The following PRP4K variants were observed in gnomAD, a reference collection of about 807,000 sequenced individuals.
PRP4K encodes pre-mRNA processing factor kinase PRP4K.
At chr6:4,033,908 TTA>T in the PRP4K span, among the ~76,000 whole-genome samples, 46 of 152,304 alleles carry the variant, frequency 3.0e-4, 2 homozygotes, top group South Asian at 9.5e-3. Flanking sequence ...TGCTTCTTAA[TTA>T]TCTTGGTGGT....
At chr6:4,049,379 G>A in the PRP4K span, 1 of 459,194 alleles carries the variant, frequency 2.2e-6, no homozygotes, top group East Asian at 3.6e-5. Context: ...AGAAGGAAGG[G>A]GTACGTCACT....
chr6:4,035,155 C>T, the PRP4K span, among the ~76,000 whole-genome samples: 9 of 146,056 alleles, frequency 6.2e-5, no homozygotes, highest in Non-Finnish European at 9.1e-5. Context: ...CTCGCTCTGT[C>T]GCCCAGGCTG....
the PRP4K span, among the ~76,000 whole-genome samples, chr6:4,030,573 C>T: frequency 3.9e-5 from 6 of 152,142 alleles, no homozygotes; most frequent in African/African-American, 7.2e-5. Flanking sequence ...ACCAAGGGCT[C>T]GACAACGTAA....
At chr6:4,056,721 C>G in the PRP4K span, 1 of 1,524,840 alleles carries the variant, frequency 6.6e-7, no homozygotes, top group Non-Finnish European at 8.8e-7. Flanking sequence ...TTGTATGGGA[C>G]CTTTGTTTTT....
chr6:4,022,995 A>G, the PRP4K span, among the ~76,000 whole-genome samples: 32 of 152,244 alleles, frequency 2.1e-4, no homozygotes, highest in Non-Finnish European at 3.7e-4. Context: ...TCAAAAATAC[A>G]TATTTAGGCC....
the PRP4K span, chr6:4,049,241 T>A: frequency 2.6e-6 from 2 of 773,186 alleles, no homozygotes; most frequent in Non-Finnish European, 4.1e-6. Flanking sequence ...TTGTGGCACA[T>A]CCAACAGCTG....
chr6:4,021,875 C>T, the PRP4K span, among the ~76,000 whole-genome samples: 3 of 152,168 alleles, frequency 2.0e-5, no homozygotes, highest in Non-Finnish European at 4.4e-5. Flanking sequence ...CGGGCCAAGC[C>T]CTAAGTCTTT....
chr6:4,049,862 C>A, the PRP4K span: 4 of 1,613,952 alleles, frequency 2.5e-6, no homozygotes, highest in African/African-American at 5.3e-5. Context: ...TAAAGATCAT[C>A]AGAAACAATG....
At chr6:4,040,054 T>C in the PRP4K span, among the ~76,000 whole-genome samples, 21 of 152,046 alleles carry the variant, frequency 1.4e-4, no homozygotes, top group East Asian at 4.1e-3. Context: ...CAGCTAATTT[T>C]TTTGTATGTT....
At chr6:4,042,681 T>G in the PRP4K span, 3 of 678,276 alleles carry the variant, frequency 4.4e-6, no homozygotes, top group Non-Finnish European at 7.0e-6. Flanking sequence ...ATAGTATATA[T>G]AAAATTATCT....
the PRP4K span, chr6:4,031,713 GATAAAAAAC>G: frequency 6.2e-7 from 1 of 1,601,976 alleles, no homozygotes; most frequent in Non-Finnish European, 8.5e-7. Context: ...AGAAGACAAG[GATAAAAAAC>G]ATAAACATAA....
At chr6:4,058,921 T>A in the PRP4K span, 7 of 850,742 alleles carry the variant, frequency 8.2e-6, no homozygotes, top group Non-Finnish European at 1.3e-5. Context: ...AAGTAAGTAT[T>A]TCCTTTTTGC....
chr6:4,056,300 C>T, the PRP4K span: 4 of 1,540,160 alleles, frequency 2.6e-6, no homozygotes, highest in Admixed American at 1.7e-5. Context: ...AATTAAATTC[C>T]CTTGAAAAAA....
At chr6:4,048,952 T>C in the PRP4K span, 2 of 1,169,768 alleles carry the variant, frequency 1.7e-6, no homozygotes, top group Middle Eastern at 2.2e-4. Flanking sequence ...TTTTGTGTTT[T>C]AAAGGAAGTG....
the PRP4K span, among the ~76,000 whole-genome samples, chr6:4,053,355 C>T: frequency 6.6e-6 from 1 of 152,058 alleles, no homozygotes; most frequent in Non-Finnish European, 1.5e-5. Flanking sequence ...TATTTTTAAA[C>T]TTTCAAGTTC....
chr6:4,044,324 T>C, the PRP4K span: 8 of 283,084 alleles, frequency 2.8e-5, 1 homozygote, highest in East Asian at 3.0e-4. Context: ...GGTACTTGTT[T>C]GTGTCTCTGT....
At chr6:4,044,207 A>G in the PRP4K span, 9 of 601,210 alleles carry the variant, frequency 1.5e-5, no homozygotes, top group Non-Finnish European at 2.6e-5. Context: ...ATGTGTTTTT[A>G]TTAGTTCACA....
At chr6:4,057,884 A>T in the PRP4K span, among the ~76,000 whole-genome samples, 2 of 151,480 alleles carry the variant, frequency 1.3e-5, no homozygotes, top group African/African-American at 4.9e-5. Context: ...CCTCCCGAGT[A>T]GCTATAGGCA....
At chr6:4,035,032 C>T in the PRP4K span, among the ~76,000 whole-genome samples, 5 of 151,978 alleles carry the variant, frequency 3.3e-5, no homozygotes, top group African/African-American at 1.2e-4. Flanking sequence ...GCAGACAACA[C>T]TCTGTTCTTT....
Sources: allele counts gnomAD v4.1 joint callset (sites outside exome capture counted in the v4.1 genomes callset), GRCh38; gene constraint gnomAD v4.1.1; transcripts MANE v1.5; gene names NCBI Gene and HGNC (gene_info 2026-07-23, HGNC 2026-07-21).